TTC39B: variants seen among roughly 807,000 people sequenced by gnomAD.
TTC39B encodes the protein tetratricopeptide repeat domain 39B.
Under a neutral mutation model 96.6 loss-of-function variants are expected in TTC39B, and 92 were observed. That is an observed-to-expected ratio of 0.95 (90% confidence interval 0.80 to 1.13). TTC39B has a LOEUF of 1.13. TTC39B is among the 50% of genes most tolerant of loss of function. The pLI is 0.00. For synonymous variants in TTC39B, 367 were observed against 299.4 expected (o/e 1.23, Z -2.33); for missense variants, 955 against 809.3 (o/e 1.18, Z -2.18).
rs118111208 is a variant in TTC39B at position 15,243,554 on chromosome 9, A to T, written c.276-17542T>A. Among the ~76,000 whole-genome samples, 673 of 152,300 alleles carry T rather than the reference A, an allele frequency of 4.4e-3. 4 individuals carry two copies. Among genetic ancestry groups the T allele is most frequent in the Non-Finnish European group, 7.2e-3 (488 of 68,030 alleles). Reference sequence around the variant, plus strand: ...AAAAAGCACTTTCGTAAGAACCAAAAATCAGGTGAGCACTCATAGTACCTG... The same window carrying T: ...AAAAAGCACTTTCGTAAGAACCAAATATCAGGTGAGCACTCATAGTACCTG... On this transcript the variant is annotated intron_variant, in intron 2 of 19. Coordinates refer to ENST00000512701, the Ensembl canonical transcript of TTC39B.
At chr9:15,260,101 T>G (rs1260100111) in intron 2 of TTC39B, among the ~76,000 whole-genome samples, 1 of 152,148 alleles carries the variant, frequency 6.6e-6, no homozygotes, top group Non-Finnish European at 1.5e-5. Context: ...AAATTAATAT[T>G]GCAATAGAGC....
At chr9:15,249,954 T>G (rs967688851) in intron 2 of TTC39B, 1 of 1,287,942 alleles carries the variant, frequency 7.8e-7, no homozygotes, top group African/African-American at 1.5e-5. Context: ...GGAATGAATA[T>G]AGTCCCACTA....
chr9:15,285,125 C>T (rs1587007855), intron 1 of TTC39B, among the ~76,000 whole-genome samples: 1 of 151,978 alleles, frequency 6.6e-6, no homozygotes, highest in African/African-American at 2.4e-5. Context: ...ATCAGCCGGG[C>T]GTGGTGGCGG....
At chr9:15,285,592 C>T (rs1398612436) in intron 1 of TTC39B, among the ~76,000 whole-genome samples, 2 of 152,206 alleles carry the variant, frequency 1.3e-5, no homozygotes, top group African/African-American at 4.8e-5. Context: ...CGGTGGCTCA[C>T]GCCTGTAATC....
chr9:15,200,875 T>A (rs1173893872), intron 7 of TTC39B, among the ~76,000 whole-genome samples: 1 of 152,168 alleles, frequency 6.6e-6, no homozygotes, highest in Non-Finnish European at 1.5e-5. Flanking sequence ...GGCGGGTGCC[T>A]GTAGTCGCAG....
intron 2 of TTC39B, among the ~76,000 whole-genome samples, chr9:15,243,133 T>C (rs549500165): frequency 1.3e-5 from 2 of 152,124 alleles, no homozygotes; most frequent in Admixed American, 1.3e-4. Flanking sequence ...CACCACCTCT[T>C]CCTGCACCCA....
intron 1 of TTC39B, among the ~76,000 whole-genome samples, chr9:15,296,805 AT>A (rs1824397158): frequency 6.6e-6 from 1 of 151,868 alleles, no homozygotes; most frequent in African/African-American, 2.4e-5. Context: ...CCAAAAGCAA[AT>A]TTTTTTAAAA....
rs112441431 is a variant in TTC39B at position 15,222,109 on chromosome 9, G to C, written c.371+3808C>G. On this transcript the variant is annotated intron_variant, in intron 3 of 19. Transcript: ENST00000512701. ...CCTCAGCTTTCCCGAGCTCAGTCAA[G>C]GGTTTCTTTTGTCGTAGTTGTTAAA... Among the ~76,000 whole-genome samples the C allele has an allele frequency of 3.7e-3, 558 of 152,322 alleles. 3 individuals are homozygous for C. The highest frequency in any genetic ancestry group is 5.1e-3 in the Non-Finnish European group (347 of 68,028).
At chr9:15,233,780 C>A (rs1005096422) in intron 2 of TTC39B, among the ~76,000 whole-genome samples, 2 of 152,182 alleles carry the variant, frequency 1.3e-5, no homozygotes, top group Non-Finnish European at 1.5e-5. Context: ...GCCGCCACCC[C>A]GTCTGGGAAG....
chr9:15,165,636 G>A (rs899072877), exon 20 of TTC39B: 2 of 152,192 alleles, frequency 1.3e-5, no homozygotes, highest in African/African-American at 4.8e-5. Flanking sequence ...GAAGGCAAAG[G>A]GAAAGAAAGG....
chr9:15,246,871 T>C (rs1484959743), intron 2 of TTC39B, among the ~76,000 whole-genome samples: 3 of 152,254 alleles, frequency 2.0e-5, no homozygotes, highest in Non-Finnish European at 4.4e-5. Flanking sequence ...GAGACCTGCA[T>C]AAACTTCAGA....
intron 1 of TTC39B, among the ~76,000 whole-genome samples, chr9:15,269,270 G>A (rs1823247156): frequency 6.6e-6 from 1 of 152,084 alleles, no homozygotes; most frequent in South Asian, 2.1e-4. Flanking sequence ...TTGTTTACTT[G>A]GTCACCCTCT....
At chr9:15,279,062 C>T (rs1823653737) in intron 1 of TTC39B, among the ~76,000 whole-genome samples, 1 of 152,218 alleles carries the variant, frequency 6.6e-6, no homozygotes, top group Non-Finnish European at 1.5e-5. Context: ...ACTTAATTTA[C>T]AGCATTGTGA....
At chr9:15,182,010 G>C (rs1818272625) in intron 17 of TTC39B, among the ~76,000 whole-genome samples, 1 of 152,188 alleles carries the variant, frequency 6.6e-6, no homozygotes. Context: ...CTCATCTGCT[G>C]TCTGTCTTTA....
At chr9:15,250,540 T>G (rs73646020) in intron 2 of TTC39B, among the ~76,000 whole-genome samples, 11,505 of 152,264 alleles carry the variant, frequency 0.076, 564 homozygotes, top group African/African-American at 0.12. Flanking sequence ...ACTTTTCCCC[T>G]AAGTTTTTAG....
At chr9:15,254,628 C>A (rs760590785) in intron 2 of TTC39B, among the ~76,000 whole-genome samples, 1 of 151,746 alleles carries the variant, frequency 6.6e-6, no homozygotes, top group African/African-American at 2.4e-5. Context: ...TCTACTGTAC[C>A]GAGACAAAGA....
chr9:15,264,835 T>C (rs571707839), intron 2 of TTC39B, among the ~76,000 whole-genome samples: 73 of 152,054 alleles, frequency 4.8e-4, no homozygotes, highest in African/African-American at 6.5e-4. Flanking sequence ...GGGTTTCTGA[T>C]AGTCACGAAT....
chr9:15,227,741 C>G (rs368095014), intron 2 of TTC39B, among the ~76,000 whole-genome samples: 23 of 152,288 alleles, frequency 1.5e-4, no homozygotes, highest in African/African-American at 5.3e-4. Context: ...TTTACAGACT[C>G]ATTTTCGAGG....
intron 2 of TTC39B, among the ~76,000 whole-genome samples, chr9:15,243,718 T>A (rs1455196493): frequency 6.6e-6 from 1 of 152,114 alleles, no homozygotes; most frequent in Non-Finnish European, 1.5e-5. Flanking sequence ...TAGACTAGCC[T>A]GGGCAACATA....
Sources: allele counts gnomAD v4.1 joint callset (sites outside exome capture counted in the v4.1 genomes callset), GRCh38; gene constraint gnomAD v4.1.1; transcripts MANE v1.5; gene names NCBI Gene and HGNC (gene_info 2026-07-23, HGNC 2026-07-21).